Variants in PACS2 observed in about 807,000 individuals in gnomAD.
PACS2 encodes the protein phosphofurin acidic cluster sorting protein 2.
PACS2 carries 36 observed loss-of-function variants against 113.0 expected under a neutral mutation model. The observed-to-expected ratio is 0.32, with a 90% CI of 0.24 to 0.42. The LOEUF is 0.42. Among genes scored for constraint, PACS2 ranks in the 10% least tolerant of loss-of-function variants. PACS2 has a pLI of 1.00. For synonymous variants in PACS2, 589 were observed against 536.1 expected, an observed-to-expected ratio of 1.10 and a Z score of -1.36; for missense variants, 1,015 against 1,239.5, an observed-to-expected ratio of 0.82 and a Z score of 2.72.
rs1426178667 is a variant in PACS2, at chr14:105,354,369, C to T, written c.298-683C>T. Reference sequence around the variant, plus strand: ...CGCCCAGCTTGGCCTCCCAAAGTGCCGGGATTACAGGTGTGAGCCACCGCG... The same window carrying T: ...CGCCCAGCTTGGCCTCCCAAAGTGCTGGGATTACAGGTGTGAGCCACCGCG... On this transcript the variant is annotated intron_variant, in intron 3 of 24. Transcript: ENST00000447393. The surrounding 1 kb of genome is among the most constrained non-coding windows in gnomAD (Gnocchi z 4.2). 2.0e-5 allele frequency among the ~76,000 whole-genome samples: 3 copies of T among 151,750 alleles called. No homozygotes were observed. The highest frequency in any genetic ancestry group is 2.9e-5 in the Non-Finnish European group (2 of 68,000).
At chr14:105,375,259 T>G (rs2061311798) in intron 8 of PACS2, among the ~76,000 whole-genome samples, 1 of 152,008 alleles carries the variant, frequency 6.6e-6, no homozygotes, top group Non-Finnish European at 1.5e-5. Context: ...GCGGGTGGAT[T>G]ACAAGGTCAA....
chr14:105,332,887 C>G (rs1031992140), intron 1 of PACS2, among the ~76,000 whole-genome samples: 1 of 152,184 alleles, frequency 6.6e-6, no homozygotes, highest in African/African-American at 2.4e-5. Context: ...TGATGTGGGG[C>G]AGAGAAGAAA....
At chr14:105,333,172 C>G (rs1334493223) in intron 1 of PACS2, among the ~76,000 whole-genome samples, 1 of 152,210 alleles carries the variant, frequency 6.6e-6, no homozygotes, top group African/African-American at 2.4e-5. Flanking sequence ...CACACACACC[C>G]TGGCCCTGTT....
intron 4 of PACS2, among the ~76,000 whole-genome samples, chr14:105,362,286 C>G (rs763131252): frequency 6.6e-6 from 1 of 151,148 alleles, no homozygotes; most frequent in Non-Finnish European, 1.5e-5. Context: ...GGCGTGGTGG[C>G]GGGCGCCTGT....
intron 1 of PACS2, among the ~76,000 whole-genome samples, chr14:105,338,266 T>G (rs1257282998): frequency 1.3e-5 from 2 of 152,174 alleles, no homozygotes; most frequent in African/African-American, 2.4e-5. Flanking sequence ...GGAAATGCCA[T>G]GCAGGGCACG....
rs192065509 is a variant in PACS2 at position 105,376,081 on chromosome 14, A to G, written c.802-687A>G. Among the ~76,000 whole-genome samples, 10 of 152,238 alleles carry G rather than the reference A, an allele frequency of 6.6e-5. No homozygotes were observed. The highest frequency in any genetic ancestry group is 2.2e-4 in the African/African-American group (9 of 41,536). On this transcript the variant is annotated intron_variant, in intron 8 of 24. Coordinates refer to ENST00000447393, the MANE Select transcript of PACS2 (RefSeq NM_001100913.3). The surrounding 1 kb of genome is among the most constrained non-coding windows in gnomAD (Gnocchi z 4.7). ...GGAAATACAAGATGCTTATAAAACC[A>G]TCAGATCTCTTAAGATGTGCTCATT...
rs2058517423 is a variant in PACS2, at chr14:105,315,154, C to T, written c.119+117C>T. On this transcript the variant is annotated intron_variant, in intron 1 of 24. Coordinates refer to ENST00000447393, the MANE Select transcript of PACS2 (RefSeq NM_001100913.3). This position sits in a 1 kb window ranked among gnomAD's most constrained non-coding sequence, Gnocchi z 4.4. ...CCCCCAGCGGAGCCCAGGTCGCCCC[C>T]CGCGCCCCCGCCCGCCGGTTCGACG... is the stretch of plus-strand genomic sequence containing the variant. 1 of 550,586 alleles carries T rather than the reference C, an allele frequency of 1.8e-6. No homozygotes were observed. Among genetic ancestry groups the T allele is most frequent in the African/African-American group, 2.0e-5 (1 of 49,048 alleles). The allele number at this position is 550,586 out of a possible 1,614,324, so 34.1% of individuals were successfully genotyped here.
intron 19 of PACS2, 103 bp from the exon 20 acceptor site, chr14:105,389,858 C>T (rs1289900205): frequency 1.7e-5 from 18 of 1,057,084 alleles, no homozygotes; most frequent in Middle Eastern, 2.6e-4. Context: ...GGCAGGGCCG[C>T]GGCCCCAGGG....
chr14:105,316,641 C>T (rs1382955681), intron 1 of PACS2, among the ~76,000 whole-genome samples: 2 of 152,132 alleles, frequency 1.3e-5, no homozygotes, highest in African/African-American at 2.4e-5. Context: ...ATCAGCCCCC[C>T]TGTGGAGCTG....
chr14:105,385,230 G>T (rs192746285), intron 18 of PACS2, among the ~76,000 whole-genome samples: 2 of 152,242 alleles, frequency 1.3e-5, no homozygotes, highest in Admixed American at 6.5e-5. Context: ...GAAACCCCGC[G>T]TGATAAGAAG....
chr14:105,338,560 T>C (rs1393370388), intron 1 of PACS2, among the ~76,000 whole-genome samples: 1 of 152,110 alleles, frequency 6.6e-6, no homozygotes, highest in African/African-American at 2.4e-5. Context: ...CCAGGGCCAG[T>C]GTGATCCTTG....
Position 105,367,279 on chromosome 14 carries a change from G to T in PACS2, c.490G>T (p.Val164Phe), listed in dbSNP as rs1555408179. 3 of 1,613,172 alleles carry T rather than the reference G, an allele frequency of 1.9e-6. No individual in the cohort carries two copies. Among genetic ancestry groups the T allele is most frequent in the African/African-American group, 2.7e-5 (2 of 75,058 alleles). ...SLCSSIKEAP[V>F]KAAEIWIASL... is the part of the protein sequence containing the mutation. ...CTGCAGCAGCATCAAGGAGGCCCCC[G>T]TCAAGGCGGCCGAGATCTGGATCGC... is the stretch of plus-strand genomic sequence containing the variant. The change falls in exon 5 of 25, where the codon GTC becomes TTC. Residue 164 changes from valine (V) to phenylalanine (F), a missense_variant. Coordinates refer to ENST00000447393, the MANE Select transcript of PACS2 (RefSeq NM_001100913.3).
intron 1 of PACS2, among the ~76,000 whole-genome samples, chr14:105,325,066 C>G (rs1460091907): frequency 6.6e-6 from 1 of 152,092 alleles, no homozygotes; most frequent in African/African-American, 2.4e-5. Flanking sequence ...TGTGGGCACC[C>G]CCTGCCCCCG....
intron 1 of PACS2, among the ~76,000 whole-genome samples, chr14:105,341,665 C>T (rs1277716577): frequency 1.3e-5 from 2 of 152,220 alleles, no homozygotes; most frequent in Non-Finnish European, 2.9e-5. Context: ...TGTTTATCTG[C>T]GCAGTTTCTG....
intron 19 of PACS2, 63 bp from the exon 20 acceptor site, chr14:105,389,898 C>G (rs2081299943): frequency 2.1e-6 from 3 of 1,447,164 alleles, no homozygotes; most frequent in African/African-American, 1.4e-5. Flanking sequence ...CAAGAGGGAG[C>G]TGTGCCCACC....
At position 105,356,801 on chromosome 14, in the gene PACS2, G is replaced by T. The variant is rs1439298780; in HGVS notation, c.423+1624G>T. Among the ~76,000 whole-genome samples the T allele has an allele frequency of 1.3e-5, 2 of 150,354 alleles. No individual in the cohort carries two copies. Among genetic ancestry groups the T allele is most frequent in the African/African-American group, 4.9e-5 (2 of 40,644 alleles). The stretch of plus-strand genomic sequence containing the variant: ...GTCCTGCTGATCCCTGCCGGTCCCT[G>T]TGTTTCCCATTAGCCATGCAGGCGA... On this transcript the variant is annotated intron_variant, in intron 4 of 24. Transcript: ENST00000447393. The surrounding 1 kb of genome is among the most constrained non-coding windows in gnomAD (Gnocchi z 4.0).
chr14:105,343,323 G>A (rs587757785), intron 1 of PACS2, among the ~76,000 whole-genome samples: 14 of 152,226 alleles, frequency 9.2e-5, no homozygotes, highest in Non-Finnish European at 1.3e-4. Context: ...GAGCTGCTGT[G>A]AATGTGCATT....
intron 22 of PACS2, 75 bp from the exon 23 acceptor site, chr14:105,392,544 T>C: frequency 2.3e-6 from 3 of 1,328,336 alleles, no homozygotes; most frequent in Non-Finnish European, 3.1e-6. Flanking sequence ...CCTCCTGGCC[T>C]GTCACAGGGA....
intron 16 of PACS2, chr14:105,383,885 G>C (rs1885804008): frequency 3.4e-6 from 1 of 295,224 alleles, no homozygotes; most frequent in Non-Finnish European, 6.4e-6. Context: ...GCAAAGCAGG[G>C]CTCGTTATTA....
Sources: allele counts gnomAD v4.1 joint callset (sites outside exome capture counted in the v4.1 genomes callset), GRCh38; gene constraint gnomAD v4.1.1; non-coding constraint Gnocchi (gnomAD v3.1); transcripts MANE v1.5; gene names NCBI Gene and HGNC (gene_info 2026-07-23, HGNC 2026-07-21).